MUC21: variants seen among roughly 807,000 people sequenced by gnomAD.
MUC21 encodes mucin 21, cell surface associated, also known as mucin-21.
A neutral mutation model predicts 9.1 loss-of-function variants in MUC21; 8 were observed. The ratio of observed to expected loss-of-function variants is 0.88; its 90% CI spans 0.52 to 1.59. The LOEUF is 1.59. Among genes scored for constraint, MUC21 ranks in the 40% most tolerant of loss-of-function variants. MUC21 has a pLI of 0.00. For missense variants in MUC21, 478 were observed against 694.2 expected (o/e 0.69, Z 3.50); for synonymous variants, 189 against 275.2 (o/e 0.69, Z 3.10).
In MUC21 at chr6:30,986,276, G is replaced by T; in HGVS notation, c.101G>T (p.Gly34Val). The T allele has an allele frequency of 6.2e-7, 1 of 1,613,832 alleles. No individual in the cohort carries two copies. Among genetic ancestry groups the T allele is most frequent in the Non-Finnish European group, 8.5e-7 (1 of 1,179,848 alleles). Residue 34 changes from glycine to valine, a missense_variant, in exon 2 of 3, where the codon GGA (glycine) becomes GTA (valine). By Grantham distance (109) the Gly-to-Val change is moderately radical. Around this residue, in one of 5 missense-constraint regions of MUC21, gnomAD observed 110 missense variants for 108.3 expected, o/e 1.02. Transcript: ENST00000376296. ...GAGACTAGCACCTCTGCCAACACTGGATCCAGTGTGATCTCCAGTGGAGCC... is the reference window on the plus strand; with the variant it reads ...GAGACTAGCACCTCTGCCAACACTGTATCCAGTGTGATCTCCAGTGGAGCC... ...SNETSTSANT[G>V]SSVISSGAST...
chr6:30,983,867 TCC>T lies in MUC21; in HGVS notation c.-89_-88del. On this transcript the variant is annotated 5_prime_UTR_variant, in exon 1 of 3. Transcript: ENST00000376296. ...CAGCCTTTATCTCTTCACCTTCAAG[TCC>T]CCTTTCTCAAGAATCCTCTGTTCTT... 2 of 704,586 alleles carry T rather than the reference TCC, an allele frequency of 2.8e-6. No individual in the cohort carries two copies. The highest frequency in any genetic ancestry group is 5.2e-6 in the Non-Finnish European group (2 of 384,336). The allele number at this position is 704,586 out of a possible 1,614,324, so 43.6% of individuals were successfully genotyped here.
chr6:30,985,231 G>A lies in MUC21; in HGVS notation c.62-1006G>A, dbSNP rs550029248. On this transcript the variant is annotated intron_variant, in intron 1 of 2. Coordinates refer to ENST00000376296, the MANE Select transcript of MUC21 (RefSeq NM_001010909.5). Reference sequence around the variant, plus strand: ...AAAAGCCTTCCCTCTACCTTTAGACGTTGGTTTACAGCCCTTATTCCTGGG... The same window carrying A: ...AAAAGCCTTCCCTCTACCTTTAGACATTGGTTTACAGCCCTTATTCCTGGG... 1.2e-3 allele frequency among the ~76,000 whole-genome samples: 189 copies of A among 152,192 alleles called. 7 individuals carry two copies. In the South Asian group the frequency reaches 0.032, roughly 26 times the overall value.
chr6:30,987,622 A>G lies in MUC21; in HGVS notation c.1447A>G (p.Ile483Val), dbSNP rs771170252. Residue 483 changes from isoleucine to valine, a missense_variant, in exon 2 of 3, where the codon ATC becomes GTC. Ile to Val is a conservative substitution (Grantham distance 29). This residue lies in a region of MUC21 where 158 missense variants were observed against 192.6 expected (regional missense o/e 0.82). Transcript: ENST00000376296. ...GSLVPWEIFL[I>V]TLVSVVAAVG... ...CCTGGTGCCGTGGGAAATCTTCCTC[A>G]TCACCCTGGTCTCGGTTGTGGCGGC... The G allele has an allele frequency of 3.7e-6, 6 of 1,614,070 alleles. No individual in the cohort carries two copies. In the South Asian group the frequency reaches 6.6e-5, roughly 18 times the overall value.
Position 30,986,356 on chromosome 6 carries a change from AC to A in MUC21, c.183del (p.Ile62SerfsTer6). ...SVTSSGVSTATISGSSVTSNG... is the reference protein window; with the variant it reads ...SVTSSGVSTAXISGSSVTSNG... ...GACCTCCAGTGGGGTCAGCACAGCC[AC>A]CATCTCAGGGTCCAGCGTGACCTCC... On this transcript the variant is annotated frameshift_variant, in exon 2 of 3. Coordinates refer to ENST00000376296, the MANE Select transcript of MUC21 (RefSeq NM_001010909.5). LOFTEE classifies it high-confidence loss of function. 1 of 1,611,940 alleles carries A rather than the reference AC, an allele frequency of 6.2e-7. No individual in the cohort carries two copies. The highest frequency in any genetic ancestry group is 1.1e-5 in the South Asian group (1 of 90,882).
chr6:30,984,642 C>A (rs1762172810), intron 1 of MUC21, among the ~76,000 whole-genome samples: 1 of 151,586 alleles, frequency 6.6e-6, no homozygotes, highest in South Asian at 2.1e-4. Flanking sequence ...TGCACTCCAG[C>A]CTGGGTGACG....
chr6:30,988,248 C>T lies in MUC21; in HGVS notation c.*54C>T. ...TCAGGAAGGAAGAGACCTGGGCACC[C>T]AAGACCTGGTTTCCTTTCATTCATC... On this transcript the variant is annotated 3_prime_UTR_variant, in exon 3 of 3. Coordinates refer to ENST00000376296, the MANE Select transcript of MUC21 (RefSeq NM_001010909.5). 6.6e-7 allele frequency: 1 copy of T among 1,506,068 alleles called. No homozygotes were observed. The highest frequency in any genetic ancestry group is 8.9e-7 in the Non-Finnish European group (1 of 1,121,174). The allele number at this position is 1,506,068 out of a possible 1,614,324, so 93.3% of individuals were successfully genotyped here. A position where few individuals can be genotyped will look rare whatever the true frequency, so the allele number is the denominator to read the frequency against.
Position 30,988,111 on chromosome 6 carries a change from C to A in MUC21, c.1618C>A (p.Pro540Thr), listed in dbSNP as rs769432942. The change falls in exon 3 of 3, where the codon CCC becomes ACC. Residue 540 changes from proline to threonine, a missense_variant. By Grantham distance (38) the Pro-to-Thr change is conservative (BLOSUM62 -1). Transcript: ENST00000376296. ...PGGNHGAPHR[P>T]RWSPNWFWRR... Reference sequence around the variant, plus strand: ...AGGGAATCATGGAGCCCCCCACAGGCCCAGGTGGAGTCCTAACTGGTTCTG... The same window carrying A: ...AGGGAATCATGGAGCCCCCCACAGGACCAGGTGGAGTCCTAACTGGTTCTG... The A allele has an allele frequency of 1.3e-5, 21 of 1,612,912 alleles. No homozygotes were observed. The South Asian group carries it at 2.0e-4, about 15-fold the overall frequency.
Position 30,989,782 on chromosome 6 carries a change from C to T in MUC21, c.*1588C>T, listed in dbSNP as rs763324015. ...ATGTGACCAGTTGCACATGTTTTCC[C>T]CTAAAAGCTTACTCTAGAAAGGATA... On this transcript the variant is annotated 3_prime_UTR_variant, in exon 3 of 3. Transcript: ENST00000376296. 1.3e-5 allele frequency: 2 copies of T among 152,232 alleles called. No homozygotes were observed. The highest frequency in any genetic ancestry group is 2.9e-5 in the Non-Finnish European group (2 of 68,042). 9.4% of individuals were successfully genotyped at this position (152,232 alleles called of 1,614,324 possible).
rs1762548999 is a variant in MUC21, at chr6:30,989,819, G to A, written c.*1625G>A. On this transcript the variant is annotated 3_prime_UTR_variant, in exon 3 of 3. Transcript: ENST00000376296. ...CTCTAGAAAGGATATTTTTTGGAGAGGGAGTGTGGGAATCCACCATCTTGT... is the reference window on the plus strand; with the variant it reads ...CTCTAGAAAGGATATTTTTTGGAGAAGGAGTGTGGGAATCCACCATCTTGT... 6.6e-6 allele frequency: 1 copy of A among 152,204 alleles called. No individual in the cohort carries two copies. The highest frequency in any genetic ancestry group is 2.1e-4 in the South Asian group (1 of 4,828). 9.4% of individuals were successfully genotyped at this position (152,204 alleles called of 1,614,324 possible).
chr6:30,985,694 C>A (rs1189448511), intron 1 of MUC21, among the ~76,000 whole-genome samples: 1 of 152,216 alleles, frequency 6.6e-6, no homozygotes, highest in East Asian at 1.9e-4. Flanking sequence ...TTAGCTTAGT[C>A]TCCACAAGTG....
intron 2 of MUC21, 70 bp from the exon 3 acceptor site, chr6:30,987,930 G>A: frequency 1.0e-6 from 1 of 985,438 alleles, no homozygotes. Context: ...GAAGATTCCA[G>A]AAGGCGTACG....
In MUC21 at chr6:30,986,230, T is replaced by C; in HGVS notation, c.62-7T>C. The C allele has an allele frequency of 6.2e-7, 1 of 1,602,070 alleles. No individual in the cohort carries two copies. Among genetic ancestry groups the C allele is most frequent in the South Asian group, 1.1e-5 (1 of 89,884 alleles). ...AATATATATTTGTCATTATATGATT[T>C]CTTCAGCAACAAATTCCAATGAGAC... On this transcript the variant is annotated splice_region_variant and splice_polypyrimidine_tract_variant and intron_variant, in intron 1 of 2. Transcript: ENST00000376296.
In MUC21 at chr6:30,984,180, A is replaced by G. The variant is rs188723042; in HGVS notation, c.61+161A>G. 521 of 571,064 alleles carry G rather than the reference A, an allele frequency of 9.1e-4. 4 individuals carry two copies. Among genetic ancestry groups the G allele is most frequent in the African/African-American group, 5.8e-3 (303 of 52,682 alleles). The allele number at this position is 571,064 out of a possible 1,614,324, so 35.4% of individuals were successfully genotyped here. A position where few individuals can be genotyped will look rare whatever the true frequency, so the allele number is the denominator to read the frequency against. On this transcript the variant is annotated intron_variant, in intron 1 of 2. Coordinates refer to ENST00000376296, the MANE Select transcript of MUC21 (RefSeq NM_001010909.5). ...TAACAAGGTATGTCATGCAGGAAGC[A>G]GTCAGACACAGTGGTTAAAATTGGG...
intron 1 of MUC21, 21 bp from the exon 2 acceptor site, chr6:30,986,216 G>T: frequency 6.3e-7 from 1 of 1,588,468 alleles, no homozygotes; most frequent in Non-Finnish European, 8.6e-7. Flanking sequence ...ATATATATTT[G>T]TCATTATATG....
rs1036421932 is a variant in MUC21, at chr6:30,988,659, A to C, written c.*465A>C. 2 of 157,102 alleles carry C rather than the reference A, an allele frequency of 1.3e-5. No homozygotes were observed. The highest frequency in any genetic ancestry group is 4.8e-5 in the African/African-American group (2 of 41,396). The allele number at this position is 157,102 out of a possible 1,614,324, so 9.7% of individuals were successfully genotyped here. Reference sequence around the variant, plus strand: ...ATTGACTTGGGAGAGATAAGGAGGGAGGGCGGGTGCCAGCATGCTATGGGC... The same window carrying C: ...ATTGACTTGGGAGAGATAAGGAGGGCGGGCGGGTGCCAGCATGCTATGGGC... On this transcript the variant is annotated 3_prime_UTR_variant, in exon 3 of 3. Transcript: ENST00000376296.
rs1285585406 is a variant in MUC21 at position 30,986,702 on chromosome 6, GGGCC to G, written c.528_531del (p.Ser178GlnfsTer264). 1 of 1,587,288 alleles carries G rather than the reference GGGCC, an allele frequency of 6.3e-7. No individual in the cohort carries two copies. Among genetic ancestry groups the G allele is most frequent in the Admixed American group, 1.7e-5 (1 of 58,548 alleles). ...TCTGAGTCCAGCACAACCTCCAGTG[GGGCC>G]AGCACAGCCACCAACTCTGAGTCCA... is the stretch of plus-strand genomic sequence containing the variant. On this transcript the variant is annotated frameshift_variant, in exon 2 of 3. Transcript: ENST00000376296. LOFTEE classifies it high-confidence loss of function.
Position 30,987,362 on chromosome 6 carries a change from G to A in MUC21, c.1187G>A (p.Ser396Asn). Residue 396 changes from serine (S) to asparagine (N), a missense_variant, in exon 2 of 3, where the codon AGC (serine) becomes AAC (asparagine). By Grantham distance (46) the Ser-to-Asn change is conservative. Coordinates refer to ENST00000376296, the MANE Select transcript of MUC21 (RefSeq NM_001010909.5). ...GASTATTSES[S>N]TTSSGASTAT... is the part of the protein sequence containing the mutation. ...AGCACAGCCACCACCTCTGAGTCCA[G>A]CACGACCTCCAGTGGGGCCAGCACA... 1 of 1,593,854 alleles carries A rather than the reference G, an allele frequency of 6.3e-7. No homozygotes were observed. Among genetic ancestry groups the A allele is most frequent in the East Asian group, 2.3e-5 (1 of 43,792 alleles).
In MUC21 at chr6:30,988,154, C is replaced by T. The variant is rs1285081610; in HGVS notation, c.1661C>T (p.Ser554Leu). The part of the protein sequence containing the change: ...PNWFWRRPVS[S>L]IAMEMSGRNS... Reference sequence around the variant, plus strand: ...TGGTTCTGGAGGAGACCAGTATCCTCGATAGCCATGGAGATGAGCGGGAGG... The same window carrying T: ...TGGTTCTGGAGGAGACCAGTATCCTTGATAGCCATGGAGATGAGCGGGAGG... The change falls in exon 3 of 3, where the codon TCG becomes TTG. Residue 554 changes from serine (S) to leucine (L), a missense_variant. Around this residue, in one of 5 missense-constraint regions of MUC21, gnomAD observed 158 missense variants for 192.6 expected, o/e 0.82. Coordinates refer to ENST00000376296, the MANE Select transcript of MUC21 (RefSeq NM_001010909.5). 9.9e-6 allele frequency: 16 copies of T among 1,612,644 alleles called. No individual in the cohort carries two copies. The highest frequency in any genetic ancestry group is 8.3e-5 in the Admixed American group (5 of 59,970).
Position 30,988,793 on chromosome 6 carries a change from G to C in MUC21, c.*599G>C, listed in dbSNP as rs1415743325. 1 of 139,236 alleles carries C rather than the reference G, an allele frequency of 7.2e-6. No individual in the cohort carries two copies. The highest frequency in any genetic ancestry group is 2.4e-4 in the East Asian group (1 of 4,082). The allele number at this position is 139,236 out of a possible 1,614,324, so 8.6% of individuals were successfully genotyped here. A position where few individuals can be genotyped will look rare whatever the true frequency, so the allele number is the denominator to read the frequency against. ...TACCTGCTCTGTGTGTGGGGGGGGA[G>C]GGGGGAGGGGGGTACGCATATTCAC... On this transcript the variant is annotated 3_prime_UTR_variant, in exon 3 of 3. Transcript: ENST00000376296.
Sources: gnomAD v4.1 joint callset for allele counts (sites outside exome capture counted in the v4.1 genomes callset) on GRCh38, gnomAD v4.1.1 for gene constraint, gnomAD v4.1.1 regional missense constraint, MANE v1.5 for transcripts, NCBI Gene and HGNC (gene_info 2026-07-23, HGNC 2026-07-21) for gene names.